The following C9orf43 variants were observed in gnomAD, a reference collection of about 807,000 sequenced individuals.
C9orf43 encodes the protein chromosome 9 open reading frame 43, also known as uncharacterized protein C9orf43.
Under a neutral mutation model 59.1 loss-of-function variants are expected in C9orf43, and 45 were observed. The observed-to-expected ratio is 0.76, with a 90% CI of 0.60 to 0.98. C9orf43 has a LOEUF of 0.98. Ranked by LOEUF, C9orf43 falls within the 50% of genes least tolerant of loss-of-function variation. C9orf43 has a pLI of 0.00. For synonymous variants in C9orf43, 203 were observed against 196.8 expected (o/e 1.03, Z -0.26); for missense variants, 533 against 554.9 (o/e 0.96, Z 0.40).
chr9:113,428,858 A>C lies in C9orf43; in HGVS notation c.1108-42A>C, dbSNP rs1227081583. On this transcript the variant is annotated intron_variant, in intron 12 of 13. Transcript: ENST00000374165. ...TTTAGAAAAATCCTTTTAGTTTCCT[A>C]AAGTCTTGATTCAAATTTCCTTATA... is the stretch of plus-strand genomic sequence containing the variant. The C allele has an allele frequency of 1.2e-5, 18 of 1,538,022 alleles. No homozygotes were observed. In the South Asian group the frequency reaches 1.7e-4, roughly 14 times the overall value.
At position 113,428,982 on chromosome 9, in the gene C9orf43, G is replaced by A; in HGVS notation, c.1171+19G>A. On this transcript the variant is annotated intron_variant, in intron 13 of 13. Coordinates refer to ENST00000374165, the MANE Select transcript of C9orf43 (RefSeq NM_001278629.2). ...GTAAAAAGTAAGTTACTAGAGTAGA[G>A]GAACCTTAGTAAGTGACTGAGGATA... 1 of 1,604,782 alleles carries A rather than the reference G, an allele frequency of 6.2e-7. No individual in the cohort carries two copies.
intron 5 of C9orf43, among the ~76,000 whole-genome samples, chr9:113,422,028 A>G (rs1828592800): frequency 6.6e-6 from 1 of 152,076 alleles, no homozygotes; most frequent in South Asian, 2.1e-4. Flanking sequence ...AAGGAGTTTC[A>G]TGGCTGCTTT....
intron 1 of C9orf43, 113 bp from the exon 2 acceptor site, chr9:113,413,332 C>A (rs1375130853): frequency 1.2e-5 from 11 of 932,438 alleles, no homozygotes; most frequent in African/African-American, 1.7e-5. Flanking sequence ...TTGTGGCCAT[C>A]ATTTACCTAT....
intron 3 of C9orf43, 81 bp from the exon 4 acceptor site, chr9:113,419,024 TAGA>T: frequency 9.1e-7 from 1 of 1,094,656 alleles, no homozygotes; most frequent in African/African-American, 1.6e-5. Context: ...TGTAGATAAG[TAGA>T]AGGATTTCCT....
At position 113,425,696 on chromosome 9, in the gene C9orf43, A is replaced by G; in HGVS notation, c.996A>G (p.Lys332=). ...CAGGGATCCAGAGCACTTCACATAA[A>G]CATCCAGTTACCACCGTTCATGACC... ...SDPGIQSTSH[K]HPVTTVHDRL... Residue 332 remains lysine (K), a synonymous_variant, in exon 11 of 14, where the codon AAA becomes AAG. Coordinates refer to ENST00000374165, the MANE Select transcript of C9orf43 (RefSeq NM_001278629.2). The G allele has an allele frequency of 6.2e-7, 1 of 1,613,968 alleles. No homozygotes were observed. The highest frequency in any genetic ancestry group is 8.5e-7 in the Non-Finnish European group (1 of 1,179,958).
rs771532354 is a variant in C9orf43, at chr9:113,425,057, A to G, written c.846A>G (p.Leu282=). The part of the protein sequence containing the change: ...ALRYPERLKK[L]HNLKTEGYRK... ...GATATCCTGAACGTTTGAAGAAATT[A>G]CATAACCTGAAGACAGAAGGTAGAT... Residue 282 remains leucine, a synonymous_variant, in exon 9 of 14, where the codon TTA becomes TTG. Coordinates refer to ENST00000374165, the MANE Select transcript of C9orf43 (RefSeq NM_001278629.2). 3.1e-6 allele frequency: 5 copies of G among 1,613,126 alleles called. No homozygotes were observed. Among genetic ancestry groups the G allele is most frequent in the Non-Finnish European group, 4.2e-6 (5 of 1,179,892 alleles).
chr9:113,421,038 A>T, intron 4 of C9orf43, 65 bp from the exon 5 acceptor site: 1 of 1,264,222 alleles, frequency 7.9e-7, no homozygotes, highest in Non-Finnish European at 1.1e-6. Flanking sequence ...TGCTTAGCAT[A>T]TCCTTAATCT....
chr9:113,413,553 GCACC>G lies in C9orf43; in HGVS notation c.64_67del (p.Pro22AsnfsTer37). 6.2e-7 allele frequency: 1 copy of G among 1,614,176 alleles called. No individual in the cohort carries two copies. Among genetic ancestry groups the G allele is most frequent in the Non-Finnish European group, 8.5e-7 (1 of 1,180,006 alleles). ...CCACCTGTGGCTTGGCTGTTTGTCA[GCACC>G]CACAATGCTGGGCAACTATCCGCCG... On this transcript the variant is annotated frameshift_variant, in exon 2 of 14. Transcript: ENST00000374165. LOFTEE classifies it high-confidence loss of function.
At chr9:113,416,257 A>C (rs1564401229) in intron 3 of C9orf43, among the ~76,000 whole-genome samples, 2 of 152,056 alleles carry the variant, frequency 1.3e-5, no homozygotes, top group Non-Finnish European at 1.5e-5. Context: ...TGCTTTGTTC[A>C]TTTCCTTGCT....
chr9:113,425,672 A>G lies in C9orf43; in HGVS notation c.972A>G (p.Pro324=). 6.2e-7 allele frequency: 1 copy of G among 1,614,206 alleles called. No homozygotes were observed. Among genetic ancestry groups the G allele is most frequent in the Non-Finnish European group, 8.5e-7 (1 of 1,180,012 alleles). ...QEAKKKAKSD[P]GIQSTSHKHP... is the part of the protein sequence containing the mutation. ...CTAAAAAGAAAGCCAAGAGTGATCC[A>G]GGGATCCAGAGCACTTCACATAAAC... Residue 324 remains proline, a synonymous_variant, in exon 11 of 14, where the codon CCA becomes CCG. Transcript: ENST00000374165.
At chr9:113,422,829 CA>C (rs1043399625) in intron 6 of C9orf43, among the ~76,000 whole-genome samples, 4 of 151,962 alleles carry the variant, frequency 2.6e-5, no homozygotes, top group East Asian at 1.9e-4. Context: ...GTTGCGTGTT[CA>C]GGGGGGGAGT....
In C9orf43 at chr9:113,419,092, G is replaced by A; in HGVS notation, c.288-16G>A. On this transcript the variant is annotated splice_polypyrimidine_tract_variant and intron_variant, in intron 3 of 13. Transcript: ENST00000374165. ...TCTTTTGTATTTCTGTTTTATGTGT[G>A]GAACTCATTTTTTAGGCCTCCGAAG... 6.2e-7 allele frequency: 1 copy of A among 1,602,660 alleles called. No homozygotes were observed. Among genetic ancestry groups the A allele is most frequent in the Non-Finnish European group, 8.5e-7 (1 of 1,172,526 alleles).
In C9orf43 at chr9:113,429,549, T is replaced by C; in HGVS notation, c.*163T>C. The C allele has an allele frequency of 1.7e-6, 1 of 600,842 alleles. No homozygotes were observed. The highest frequency in any genetic ancestry group is 2.9e-6 in the Non-Finnish European group (1 of 340,046). 37.2% of individuals were successfully genotyped at this position (600,842 alleles called of 1,614,324 possible). A position where few individuals can be genotyped will look rare whatever the true frequency, so the allele number is the denominator to read the frequency against. On this transcript the variant is annotated 3_prime_UTR_variant, in exon 14 of 14. Coordinates refer to ENST00000374165, the MANE Select transcript of C9orf43 (RefSeq NM_001278629.2). ...AGGGCCTGAGCTCTGAGCTTAGGGA[T>C]TCCATTTTCTTTGTTCACCTCTACT...
intron 7 of C9orf43, 108 bp from the exon 8 acceptor site, chr9:113,424,058 C>T (rs1158487166): frequency 1.5e-6 from 2 of 1,349,746 alleles, no homozygotes. Flanking sequence ...CAGGCCTTTT[C>T]AGACCCAAAG....
intron 3 of C9orf43, among the ~76,000 whole-genome samples, chr9:113,414,625 T>C (rs779859126): frequency 1.3e-5 from 2 of 152,182 alleles, no homozygotes; most frequent in Non-Finnish European, 2.9e-5. Context: ...TCTGTGCGTC[T>C]GTGTCTTAAT....
rs1194629388 is a variant in C9orf43, at chr9:113,420,756, G to A, written c.346-347G>A. The A allele has an allele frequency of 9.1e-6, 9 of 985,242 alleles. No homozygotes were observed. The African/African-American group carries it at 1.4e-4, about 15-fold the overall frequency. The allele number at this position is 985,242 out of a possible 1,614,324, so 61.0% of individuals were successfully genotyped here. ...TCCCAAACTGCAGATTGTAATGTCTGTGGGATCTAAGTCTTTGGAGTGGAG... is the reference window on the plus strand; with the variant it reads ...TCCCAAACTGCAGATTGTAATGTCTATGGGATCTAAGTCTTTGGAGTGGAG... On this transcript the variant is annotated intron_variant, in intron 4 of 13. Coordinates refer to ENST00000374165, the MANE Select transcript of C9orf43 (RefSeq NM_001278629.2).
rs1442658865 is a variant in C9orf43 at position 113,423,456 on chromosome 9, T to G, written c.614T>G (p.Leu205Arg). The change falls in exon 7 of 14, where the codon CTC (leucine) becomes CGC (arginine). Residue 205 changes from leucine to arginine, a missense_variant. Coordinates refer to ENST00000374165, the MANE Select transcript of C9orf43 (RefSeq NM_001278629.2). ...CAATTCAGTTCAGATTTCCTACCTCTCTGGGCTCAATCCGAAGCGTTACCT... is the reference window on the plus strand; with the variant it reads ...CAATTCAGTTCAGATTTCCTACCTCGCTGGGCTCAATCCGAAGCGTTACCT... ...SEQFSSDFLP[L>R]WAQSEALPQD... 2 of 1,614,094 alleles carry G rather than the reference T, an allele frequency of 1.2e-6. No individual in the cohort carries two copies. The highest frequency in any genetic ancestry group is 2.2e-5 in the South Asian group (2 of 91,080).
At chr9:113,411,362 G>C (rs1000276581) in intron 1 of C9orf43, among the ~76,000 whole-genome samples, 7 of 150,096 alleles carry the variant, frequency 4.7e-5, no homozygotes, top group African/African-American at 1.5e-4. Flanking sequence ...CAGTGGCGCC[G>C]ATTTCGGCTC....
chr9:113,429,661 T>A lies in C9orf43; in HGVS notation c.*275T>A, dbSNP rs1828918653. The A allele has an allele frequency of 2.7e-6, 1 of 366,542 alleles. No individual in the cohort carries two copies. The highest frequency in any genetic ancestry group is 4.9e-6 in the Non-Finnish European group (1 of 203,714). 22.7% of individuals were successfully genotyped at this position (366,542 alleles called of 1,614,324 possible). ...TCCATTAGGGTCAGAATAATTTTGGTGATTAAACACAACTGCTTTTCAATC... is the reference window on the plus strand; with the variant it reads ...TCCATTAGGGTCAGAATAATTTTGGAGATTAAACACAACTGCTTTTCAATC... On this transcript the variant is annotated 3_prime_UTR_variant, in exon 14 of 14. Transcript: ENST00000374165.
Sources: allele counts gnomAD v4.1 joint callset (sites outside exome capture counted in the v4.1 genomes callset), GRCh38; gene constraint gnomAD v4.1.1; transcripts MANE v1.5; gene names NCBI Gene and HGNC (gene_info 2026-07-23, HGNC 2026-07-21).